The following PDK3 variants were observed in gnomAD, a reference collection of about 807,000 sequenced individuals.
PDK3 encodes the protein pyruvate dehydrogenase kinase, isozyme 3.
PDK3 carries 12 observed loss-of-function variants against 32.0 expected under a neutral mutation model. The observed-to-expected ratio is 0.37, with a 90% CI of 0.24 to 0.61. The LOEUF is 0.61. Among genes scored for constraint, PDK3 ranks in the 20% least tolerant of loss-of-function variants. The pLI is 0.65. For missense variants in PDK3, 188 were observed against 316.9 expected, an observed-to-expected ratio of 0.59 and a Z score of 3.09; for synonymous variants, 122 against 116.3, an observed-to-expected ratio of 1.05 and a Z score of -0.31.
intron 1 of PDK3, among the ~76,000 whole-genome samples, chrX:24,477,837 C>T (rs1011537261): frequency 5.4e-5 from 6 of 111,579 alleles, no homozygotes; most frequent in Middle Eastern, 4.6e-3. Flanking sequence ...TTATCTTGGC[C>T]GTTTCTCTTT....
At chrX:24,533,832 G>C in intron 10 of PDK3, 97 bp from the exon 11 acceptor site, 1 of 927,030 alleles carries the variant, frequency 1.1e-6, no homozygotes, top group Non-Finnish European at 1.4e-6. Flanking sequence ...TATGTATTAA[G>C]GTTTCTGATG....
chrX:24,501,485 G>A (rs1270306467), intron 3 of PDK3, among the ~76,000 whole-genome samples: 4 of 112,759 alleles, frequency 3.5e-5, no homozygotes, highest in African/African-American at 6.4e-5. Context: ...AGGCCAAGGC[G>A]GGCGGATCAC....
chrX:24,515,077 A>G (rs1922220372), intron 5 of PDK3, among the ~76,000 whole-genome samples: 2 of 112,025 alleles, frequency 1.8e-5, no homozygotes, highest in African/African-American at 3.2e-5. Context: ...CTAAGTGTGT[A>G]TTGTGTCCAA....
chrX:24,476,233 A>G (rs969736545), intron 1 of PDK3, among the ~76,000 whole-genome samples: 7 of 110,444 alleles, frequency 6.3e-5, no homozygotes, highest in Non-Finnish European at 1.1e-4. Flanking sequence ...TTCGTCCTCC[A>G]TATCTGTGGG....
downstream of PDK3, among the ~76,000 whole-genome samples, chrX:24,536,388 C>A (rs1721854497): frequency 9.0e-6 from 1 of 110,536 alleles, no homozygotes; most frequent in African/African-American, 3.3e-5. Context: ...TAAATCATTC[C>A]TTTGTCAATT....
chrX:24,488,560 A>G (rs982611308), intron 1 of PDK3, among the ~76,000 whole-genome samples: 5 of 111,328 alleles, frequency 4.5e-5, no homozygotes, highest in Admixed American at 1.9e-4. Context: ...GTGGTGGTGC[A>G]TGCCTGTAAT....
chrX:24,503,281 C>T, intron 3 of PDK3, 46 bp from the exon 4 acceptor site: 1 of 983,769 alleles, frequency 1.0e-6, no homozygotes, highest in Non-Finnish European at 1.4e-6. Context: ...GTGCATCAGC[C>T]CATGAGATAT....
At chrX:24,534,442 T>A, downstream of PDK3, 1 of 141,202 alleles carries the variant, frequency 7.1e-6, no homozygotes, top group Non-Finnish European at 1.3e-5. Flanking sequence ...TCCACTTATG[T>A]GAAGTACCTA....
chrX:24,521,763 C>T (rs777547456), intron 6 of PDK3, among the ~76,000 whole-genome samples: 2 of 111,652 alleles, frequency 1.8e-5, no homozygotes, highest in African/African-American at 3.3e-5. Context: ...AGGAGCTTTC[C>T]GACTCTTTTT....
exon 12 of PDK3, chrX:24,545,374 TGG>T (rs1922975872): frequency 8.9e-6 from 1 of 112,396 alleles, no homozygotes; most frequent in Non-Finnish European, 1.9e-5. Context: ...TTTGGAGACC[TGG>T]AGCCCACCAC....
intron 5 of PDK3, among the ~76,000 whole-genome samples, chrX:24,511,300 A>G (rs946545470): frequency 4.4e-5 from 5 of 112,563 alleles, no homozygotes; most frequent in Admixed American, 9.4e-5. Flanking sequence ...TTCTTCCACT[A>G]TCCTCTGAGA....
intron 5 of PDK3, among the ~76,000 whole-genome samples, chrX:24,515,851 T>C (rs995093613): frequency 2.7e-5 from 3 of 112,033 alleles, no homozygotes; most frequent in African/African-American, 9.7e-5. Flanking sequence ...ATTTTCATAC[T>C]GATCAACTCT....
chrX:24,472,774 G>A (rs1441886817), intron 1 of PDK3, among the ~76,000 whole-genome samples: 2 of 91,117 alleles, frequency 2.2e-5, no homozygotes, highest in African/African-American at 4.3e-5. Context: ...CGCAACCTCC[G>A]CCTCCCAGGT....
exon 12 of PDK3, among the ~76,000 whole-genome samples, chrX:24,542,491 G>T (rs1366594892): frequency 3.6e-5 from 4 of 112,676 alleles, no homozygotes; most frequent in Non-Finnish European, 1.9e-5. Context: ...GGAACAGTAC[G>T]CCAGGTGATT....
chrX:24,485,240 C>G (rs750711741), intron 1 of PDK3, among the ~76,000 whole-genome samples: 1 of 111,437 alleles, frequency 9.0e-6, no homozygotes, highest in African/African-American at 3.3e-5. Flanking sequence ...CCCAGCTACT[C>G]GGGAGGCTGA....
At chrX:24,543,710 A>G (rs1922938485) in exon 12 of PDK3, among the ~76,000 whole-genome samples, 2 of 110,905 alleles carry the variant, frequency 1.8e-5, no homozygotes, top group South Asian at 3.8e-4. Flanking sequence ...CAGCCTCCCA[A>G]AGTTCTTGGA....
At chrX:24,537,117 C>CTTTTTTTTTT (rs34294652), downstream of PDK3, among the ~76,000 whole-genome samples, 4 of 82,730 alleles carry the variant, frequency 4.8e-5, no homozygotes, top group Non-Finnish European at 7.0e-5. Context: ...CTTTTCTTTT[C>CTTTTTTTTTT]TTTTTTTTTT....
exon 12 of PDK3, among the ~76,000 whole-genome samples, chrX:24,544,711 C>T (rs181558402): frequency 9.0e-6 from 1 of 111,728 alleles, no homozygotes; most frequent in African/African-American, 3.3e-5. Context: ...CCCTGGAGTC[C>T]GTGGTATGGA....
chrX:24,505,400 T>C lies in PDK3; in HGVS notation c.595+102T>C, dbSNP rs41311505. 34,969 of 534,544 alleles carry C rather than the reference T, an allele frequency of 0.065. 1,696 individuals are homozygous for C. The highest frequency in any genetic ancestry group is 0.27 in the African/African-American group (11,535 of 43,054). 44.1% of individuals were successfully genotyped at this position (534,544 alleles called of 1,213,427 possible). A position where few individuals can be genotyped will look rare whatever the true frequency, so the allele number is the denominator to read the frequency against. ...GTTATTTTGCAGTGCAGTCTGCTGA[T>C]TCATCAGGTCACTCTGGGCCCAAGC... On this transcript the variant is annotated intron_variant, in intron 5 of 10. Transcript: ENST00000379162.
Sources: allele counts gnomAD v4.1 joint callset (sites outside exome capture counted in the v4.1 genomes callset), GRCh38; gene constraint gnomAD v4.1.1; transcripts MANE v1.5; gene names NCBI Gene and HGNC (gene_info 2026-07-23, HGNC 2026-07-21).